The following POU2F1 variants were observed in gnomAD, a reference collection of about 807,000 sequenced individuals.
POU2F1 encodes POU class 2 homeobox 1, also known as POU domain, class 2, transcription factor 1.
Under a neutral mutation model 84.9 loss-of-function variants are expected in POU2F1, and 16 were observed. The ratio of observed to expected loss-of-function variants is 0.19; its 90% CI spans 0.13 to 0.29. The LOEUF is 0.29. Ranked by LOEUF, POU2F1 falls within the 10% of genes least tolerant of loss-of-function variation. The pLI is 1.00. For synonymous variants in POU2F1, 368 were observed against 368.3 expected, an observed-to-expected ratio of 1.00 and a Z score of 0.01; for missense variants, 738 against 942.6, an observed-to-expected ratio of 0.78 and a Z score of 2.84.
chr1:167,339,699 C>T (rs1194451708), intron 2 of POU2F1, among the ~76,000 whole-genome samples: 1 of 152,156 alleles, frequency 6.6e-6, no homozygotes. Flanking sequence ...TTTCTACATT[C>T]TTTTGAATTT....
chr1:167,237,934 C>T (rs941685450), intron 1 of POU2F1, among the ~76,000 whole-genome samples: 32 of 151,354 alleles, frequency 2.1e-4, no homozygotes, highest in African/African-American at 6.5e-4. Flanking sequence ...TGCGTGCCAC[C>T]GCACCCGGCT....
At chr1:167,345,869 A>G (rs1005060136) in intron 2 of POU2F1, among the ~76,000 whole-genome samples, 1 of 97,070 alleles carries the variant, frequency 1.0e-5, no homozygotes, top group African/African-American at 3.8e-5. Flanking sequence ...AATTAAGAAT[A>G]AAGTTAAGAG....
intron 2 of POU2F1, among the ~76,000 whole-genome samples, chr1:167,356,510 C>A (rs1367940577): frequency 6.6e-6 from 1 of 152,066 alleles, no homozygotes; most frequent in Non-Finnish European, 1.5e-5. Flanking sequence ...AGTAGTGTTA[C>A]CAGTGGCAAA....
rs1308924864 is a variant in POU2F1, at chr1:167,421,014, G to A, written c.*5204G>A. On this transcript the variant is annotated 3_prime_UTR_variant, in exon 16 of 16. Coordinates refer to ENST00000367866, the MANE Select transcript of POU2F1 (RefSeq NM_002697.4). ...TTTCCAAAATGGACAAGAATTGATGGGTTAATTTGCTCATAACTGATATGA... is the reference window on the plus strand; with the variant it reads ...TTTCCAAAATGGACAAGAATTGATGAGTTAATTTGCTCATAACTGATATGA... 1 of 152,146 alleles carries A rather than the reference G, an allele frequency of 6.6e-6. No homozygotes were observed. Among genetic ancestry groups the A allele is most frequent in the Non-Finnish European group, 1.5e-5 (1 of 68,014 alleles). The allele number at this position is 152,146 out of a possible 1,614,324, so 9.4% of individuals were successfully genotyped here.
At chr1:167,313,553 CA>C (rs1655649647) in intron 1 of POU2F1, among the ~76,000 whole-genome samples, 1 of 151,820 alleles carries the variant, frequency 6.6e-6, no homozygotes, top group African/African-American at 2.4e-5. Flanking sequence ...GACTAAGGTA[CA>C]AAAACAATTC....
At position 167,383,419 on chromosome 1, in the gene POU2F1, A is replaced by G. The variant is rs896400323; in HGVS notation, c.719-438A>G. Reference sequence around the variant, plus strand: ...ATAGAATATTTTACATTTCAACTTTATTATCACCAACAGGCAAATGTTTGA... The same window carrying G: ...ATAGAATATTTTACATTTCAACTTTGTTATCACCAACAGGCAAATGTTTGA... On this transcript the variant is annotated intron_variant, in intron 7 of 15. Coordinates refer to ENST00000367866, the MANE Select transcript of POU2F1 (RefSeq NM_002697.4). 3.9e-5 allele frequency: 6 copies of G among 153,856 alleles called. No individual in the cohort carries two copies. In the South Asian group the frequency reaches 1.2e-3, roughly 31 times the overall value. 9.5% of individuals were successfully genotyped at this position (153,856 alleles called of 1,614,324 possible).
intron 1 of POU2F1, among the ~76,000 whole-genome samples, chr1:167,224,825 C>CTTTTT (rs774351969): frequency 2.5e-5 from 3 of 122,206 alleles, no homozygotes; most frequent in Admixed American, 1.7e-4. Context: ...TCACTGTCTT[C>CTTTTT]TTTTTTTTTT....
chr1:167,408,309 A>G (rs1649722490), intron 13 of POU2F1, among the ~76,000 whole-genome samples: 1 of 152,202 alleles, frequency 6.6e-6, no homozygotes, highest in African/African-American at 2.4e-5. Flanking sequence ...ACAGCTTCGG[A>G]AAACATCTTG....
chr1:167,290,041 T>G (rs950536592), intron 1 of POU2F1, among the ~76,000 whole-genome samples: 6 of 152,222 alleles, frequency 3.9e-5, no homozygotes, highest in African/African-American at 1.4e-4. Flanking sequence ...GTAATAAAAC[T>G]TATTCCACAA....
At chr1:167,341,598 G>T (rs529771952) in intron 2 of POU2F1, among the ~76,000 whole-genome samples, 1 of 152,290 alleles carries the variant, frequency 6.6e-6, no homozygotes, top group South Asian at 2.1e-4. Context: ...CACACAGACT[G>T]GCAGGTGCAG....
intron 1 of POU2F1, among the ~76,000 whole-genome samples, chr1:167,323,747 C>T (rs903956720): frequency 6.6e-6 from 1 of 152,164 alleles, no homozygotes; most frequent in Non-Finnish European, 1.5e-5. Flanking sequence ...GGCAGGAGTG[C>T]AGTCACGCGA....
chr1:167,220,932 G>A lies in POU2F1; in HGVS notation c.35G>A (p.Ser12Asn), dbSNP rs1648061087. The A allele has an allele frequency of 2.0e-6, 3 of 1,535,192 alleles. No individual in the cohort carries two copies. The highest frequency in any genetic ancestry group is 2.6e-6 in the Non-Finnish European group (3 of 1,146,776). ...ADGGAASQDE[S>N]SAAAAAAADS... ...GGAGGAGCAGCGAGTCAAGATGAGA[G>A]TTCAGCCGCGGCGGCAGCAGCAGCA... The change falls in exon 1 of 16, where the codon AGT (serine) becomes AAT (asparagine). Residue 12 changes from serine to asparagine, a missense_variant. Ser to Asn is a conservative substitution (Grantham distance 46). Transcript: ENST00000367866.
chr1:167,239,837 A>G (rs1270010729), intron 1 of POU2F1, among the ~76,000 whole-genome samples: 1 of 152,198 alleles, frequency 6.6e-6, no homozygotes, highest in Non-Finnish European at 1.5e-5. Flanking sequence ...TACACCGTAC[A>G]CAAAAAAGAA....
intron 2 of POU2F1, among the ~76,000 whole-genome samples, chr1:167,338,594 G>T (rs1297956734): frequency 3.3e-5 from 5 of 152,182 alleles, no homozygotes; most frequent in Non-Finnish European, 2.9e-5. Flanking sequence ...AAAAGAAAGA[G>T]ATAGAAGGGA....
intron 2 of POU2F1, among the ~76,000 whole-genome samples, chr1:167,357,991 A>G (rs1050449435): frequency 6.6e-6 from 1 of 151,310 alleles, no homozygotes; most frequent in Non-Finnish European, 1.5e-5. Flanking sequence ...TTTAGTAGAG[A>G]TGGGGTTTCA....
chr1:167,399,917 C>CA (rs1440555833), intron 12 of POU2F1, among the ~76,000 whole-genome samples: 1 of 149,636 alleles, frequency 6.7e-6, no homozygotes. Context: ...TCAAGTGATC[C>CA]CTTGGCCTCC....
At chr1:167,391,549 T>TTA (rs1446519099) in intron 9 of POU2F1, among the ~76,000 whole-genome samples, 2 of 148,692 alleles carry the variant, frequency 1.3e-5, no homozygotes, top group East Asian at 2.0e-4. Context: ...ATATATATCT[T>TTA]TATATATATC....
chr1:167,406,750 A>G (rs1295647242), intron 13 of POU2F1, among the ~76,000 whole-genome samples: 1 of 152,208 alleles, frequency 6.6e-6, no homozygotes, highest in Non-Finnish European at 1.5e-5. Context: ...AAATTTAGGA[A>G]ATAACTTGTA....
chr1:167,345,800 A>AT (rs1282521545), intron 2 of POU2F1, among the ~76,000 whole-genome samples: 1 of 152,138 alleles, frequency 6.6e-6, no homozygotes, highest in Non-Finnish European at 1.5e-5. Context: ...TATGTTCAAT[A>AT]TTTAAGTTAT....
Sources: gnomAD v4.1 joint callset for allele counts (sites outside exome capture counted in the v4.1 genomes callset) on GRCh38, gnomAD v4.1.1 for gene constraint, MANE v1.5 for transcripts, NCBI Gene and HGNC (gene_info 2026-07-23, HGNC 2026-07-21) for gene names.